The following SOX5 variants were observed in gnomAD, a reference collection of about 807,000 sequenced individuals.
SOX5 encodes the protein SRY-box transcription factor 5.
A neutral mutation model predicts 92.0 loss-of-function variants in SOX5; 9 were observed. The observed-to-expected ratio is 0.10, with a 90% CI of 0.06 to 0.17. The LOEUF is 0.17. SOX5 is among the 10% of genes least tolerant of loss of function. The pLI is 1.00. For missense variants in SOX5, 642 were observed against 944.5 expected (o/e 0.68, Z 4.20); for synonymous variants, 344 against 336.3 (o/e 1.02, Z -0.25).
chr12:24,439,382 T>C (rs1335649732), intron 1 of SOX5, among the ~76,000 whole-genome samples: 3 of 152,188 alleles, frequency 2.0e-5, no homozygotes, highest in Non-Finnish European at 4.4e-5. Flanking sequence ...GTCTCTGAGG[T>C]ATGCCTGTAT....
chr12:24,164,671 A>T (rs971118539), intron 4 of SOX5, among the ~76,000 whole-genome samples: 1 of 152,082 alleles, frequency 6.6e-6, no homozygotes, highest in Non-Finnish European at 1.5e-5. Flanking sequence ...GAAAGTGAAA[A>T]CTGAGGAAAT....
At position 23,923,333 on chromosome 12, in the gene SOX5, A is replaced by AATGAATG. The variant is rs879944682; in HGVS notation, c.38+26230_38+26231insCATTCAT. 2.4e-3 allele frequency among the ~76,000 whole-genome samples: 250 copies of AATGAATG among 103,048 alleles called. 1 individual carries two copies. In the Middle Eastern group the frequency reaches 0.026, roughly 11 times the overall value. 67.6% of individuals were successfully genotyped at this position (103,048 alleles called of 152,430 possible). ...TGAATGAATGAATGAATGAATGAAT[A>AATGAATG]CGTAAAAGCATAATGTAAGCTAATA... On this transcript the variant is annotated intron_variant, in intron 1 of 14. Transcript: ENST00000451604.
intron 2 of SOX5, among the ~76,000 whole-genome samples, chr12:23,893,900 A>T (rs2097153222): frequency 1.3e-5 from 2 of 152,206 alleles, no homozygotes; most frequent in Admixed American, 1.3e-4. Flanking sequence ...GGGAGGAATG[A>T]TGTGCAGTAA....
chr12:23,558,975 A>G (rs1945731009), intron 11 of SOX5, among the ~76,000 whole-genome samples: 1 of 152,162 alleles, frequency 6.6e-6, no homozygotes, highest in South Asian at 2.1e-4. Context: ...AACAGCTATG[A>G]CAGTAAAGGC....
At chr12:23,579,364 G>C (rs916534706) in intron 9 of SOX5, among the ~76,000 whole-genome samples, 1 of 152,052 alleles carries the variant, frequency 6.6e-6, no homozygotes, top group Non-Finnish European at 1.5e-5. Context: ...TGTGTGACCA[G>C]GCTAATGGTA....
intron 7 of SOX5, among the ~76,000 whole-genome samples, chr12:23,662,816 T>G (rs920713134): frequency 2.0e-5 from 3 of 152,214 alleles, no homozygotes; most frequent in African/African-American, 7.2e-5. Context: ...ATCAGTATGT[T>G]CAATAAATGG....
rs866038069 is a variant in SOX5, at chr12:24,424,813, G to C, written c.-250-56174C>G. Among the ~76,000 whole-genome samples, 97 of 150,842 alleles carry C rather than the reference G, an allele frequency of 6.4e-4. 3 individuals are homozygous for C. Among genetic ancestry groups the C allele is most frequent in the African/African-American group, 1.7e-3 (71 of 41,000 alleles). On this transcript the variant is annotated intron_variant, in intron 1 of 4. Transcript: ENST00000446891. Reference sequence around the variant, plus strand: ...TTCTTTGTGAGTTTTTTTTTTGGGGGGGGGGGATGGCTGTTTTTCCCCCTA... The same window carrying C: ...TTCTTTGTGAGTTTTTTTTTTGGGGCGGGGGGATGGCTGTTTTTCCCCCTA...
intron 9 of SOX5, among the ~76,000 whole-genome samples, chr12:23,586,194 T>C (rs1950706817): frequency 6.6e-6 from 1 of 152,080 alleles, no homozygotes; most frequent in South Asian, 2.1e-4. Context: ...GAACCTCGAG[T>C]AAGACAACAA....
chr12:24,034,611 A>C (rs1955841804), intron 4 of SOX5, among the ~76,000 whole-genome samples: 1 of 149,344 alleles, frequency 6.7e-6, no homozygotes, highest in Non-Finnish European at 1.5e-5. Flanking sequence ...ATACTTTCAT[A>C]GTTTCCTCCA....
At chr12:23,655,715 G>C (rs2082223888) in intron 7 of SOX5, among the ~76,000 whole-genome samples, 1 of 152,018 alleles carries the variant, frequency 6.6e-6, no homozygotes, top group Non-Finnish European at 1.5e-5. Flanking sequence ...CACTACAATG[G>C]TAAGCCTATG....
intron 2 of SOX5, among the ~76,000 whole-genome samples, chr12:24,280,938 A>T (rs1051932971): frequency 6.6e-6 from 1 of 151,738 alleles, no homozygotes; most frequent in Non-Finnish European, 1.5e-5. Context: ...CCCAGTACAA[A>T]TGCAAAGATA....
intron 6 of SOX5, among the ~76,000 whole-genome samples, chr12:23,698,081 T>C (rs1221435718): frequency 1.3e-5 from 2 of 152,220 alleles, no homozygotes; most frequent in African/African-American, 4.8e-5. Context: ...GTTAAACTTA[T>C]CACAGTCTAC....
At chr12:24,211,179 T>C (rs1017452087) in intron 4 of SOX5, among the ~76,000 whole-genome samples, 1 of 152,198 alleles carries the variant, frequency 6.6e-6, no homozygotes, top group Admixed American at 6.5e-5. Flanking sequence ...CCCCCACATT[T>C]TGAAATTGTT....
At chr12:24,056,669 G>A (rs377310029) in intron 4 of SOX5, among the ~76,000 whole-genome samples, 3 of 152,036 alleles carry the variant, frequency 2.0e-5, no homozygotes, top group African/African-American at 4.8e-5. Flanking sequence ...TACAGAAGGG[G>A]GTCAGATATT....
intron 2 of SOX5, among the ~76,000 whole-genome samples, chr12:24,344,490 A>T (rs1952982152): frequency 6.6e-6 from 1 of 152,164 alleles, no homozygotes; most frequent in African/African-American, 2.4e-5. Flanking sequence ...ACTGGCGATG[A>T]ACATGGATCA....
intron 3 of SOX5, among the ~76,000 whole-genome samples, chr12:23,780,096 A>C (rs1255451460): frequency 1.3e-5 from 2 of 151,456 alleles, no homozygotes; most frequent in African/African-American, 4.8e-5. Context: ...TTTTTATTCT[A>C]ATAAAGATTG....
At chr12:24,526,575 G>A (rs1403551906) in intron 1 of SOX5, among the ~76,000 whole-genome samples, 4 of 152,166 alleles carry the variant, frequency 2.6e-5, no homozygotes, top group South Asian at 4.2e-4. Context: ...CACGAGCTGA[G>A]AATGCAGATG....
At position 23,883,712 on chromosome 12, in the gene SOX5, A is replaced by G. The variant is rs906910635; in HGVS notation, c.270+12081T>C. On this transcript the variant is annotated intron_variant, in intron 2 of 14. Coordinates refer to ENST00000451604, the MANE Select transcript of SOX5 (RefSeq NM_006940.6). ...AACTTAGGCTCTATACTGCTTCATT[A>G]TATATCTCATAATCTTAACAAAATG... 1.2e-4 allele frequency among the ~76,000 whole-genome samples: 18 copies of G among 151,558 alleles called. 1 individual carries two copies. Among genetic ancestry groups the G allele is most frequent in the Admixed American group, 9.2e-4 (14 of 15,252 alleles).
intron 1 of SOX5, among the ~76,000 whole-genome samples, chr12:24,518,629 A>G (rs1436252003): frequency 2.0e-5 from 3 of 152,180 alleles, no homozygotes; most frequent in African/African-American, 7.2e-5. Context: ...TTGTTATCAT[A>G]AGCACTTTTG....
Sources: allele counts gnomAD v4.1 joint callset (sites outside exome capture counted in the v4.1 genomes callset), GRCh38; gene constraint gnomAD v4.1.1; transcripts MANE v1.5; gene names NCBI Gene and HGNC (gene_info 2026-07-23, HGNC 2026-07-21).